Variants in FGF14 observed in about 807,000 individuals in gnomAD.
FGF14 encodes the protein fibroblast growth factor 14.
In FGF14, 5 loss-of-function variants were observed where a neutral mutation model predicts 25.5. The ratio of observed to expected loss-of-function variants is 0.20; its 90% CI spans 0.10 to 0.41. The LOEUF (loss-of-function observed/expected upper bound fraction) is 0.41, where lower values mean the gene tolerates loss of function less well. Among genes scored for constraint, FGF14 ranks in the 10% least tolerant of loss-of-function variants. FGF14 has a pLI of 1.00. For missense variants in FGF14, 222 were observed against 320.1 expected (o/e 0.69, Z 2.34); for synonymous variants, 138 against 118.3 (o/e 1.17, Z -1.08).
At chr13:101,761,352 C>G (rs2038017130) in intron 3 of FGF14, among the ~76,000 whole-genome samples, 1 of 152,080 alleles carries the variant, frequency 6.6e-6, no homozygotes, top group South Asian at 2.1e-4. Context: ...AGTTGGAAAA[C>G]TCAGATGAGA....
At chr13:102,094,641 A>C (rs2044309340) in intron 1 of FGF14, among the ~76,000 whole-genome samples, 2 of 152,178 alleles carry the variant, frequency 1.3e-5, no homozygotes, top group Non-Finnish European at 2.9e-5. Context: ...TGCCCTTTTT[A>C]TACAGCTGCT....
chr13:101,926,954 C>A (rs942512650), intron 1 of FGF14, among the ~76,000 whole-genome samples: 19 of 152,084 alleles, frequency 1.2e-4, no homozygotes, highest in Non-Finnish European at 1.5e-5. Context: ...AAGCTTTATG[C>A]GGACAGAGGA....
chr13:102,013,826 A>C (rs191836100), intron 1 of FGF14, among the ~76,000 whole-genome samples: 2 of 152,310 alleles, frequency 1.3e-5, no homozygotes, highest in East Asian at 3.9e-4. Flanking sequence ...TCTTTATTTT[A>C]AAACCAAGGA....
In FGF14 at chr13:101,721,224, A is replaced by AGTT. The variant is rs2034958913; in HGVS notation, c.*1604_*1606dup. ...AGAGTTAACAAATAAATTCCCAAACAGTTTAGTATGAAACATTTTGAACCC... is the reference window on the plus strand; with the variant it reads ...AGAGTTAACAAATAAATTCCCAAACAGTTGTTTAGTATGAAACATTTTGAACCC... On this transcript the variant is annotated 3_prime_UTR_variant, in exon 5 of 5. Transcript: ENST00000376143. 1 of 152,142 alleles carries AGTT rather than the reference A, an allele frequency of 6.6e-6. No homozygotes were observed. Among genetic ancestry groups the AGTT allele is most frequent in the African/African-American group, 2.4e-5 (1 of 41,436 alleles). The allele number at this position is 152,142 out of a possible 1,614,324, so 9.4% of individuals were successfully genotyped here.
At chr13:102,282,210 G>A (rs931290408) in intron 1 of FGF14, among the ~76,000 whole-genome samples, 3 of 151,992 alleles carry the variant, frequency 2.0e-5, no homozygotes, top group Admixed American at 2.0e-4. Context: ...AGGATTACAG[G>A]CATGCACTAC....
intron 1 of FGF14, among the ~76,000 whole-genome samples, chr13:102,071,487 T>G (rs2043152301): frequency 6.6e-6 from 1 of 152,210 alleles, no homozygotes; most frequent in African/African-American, 2.4e-5. Context: ...TGTTTTACTT[T>G]TCCTCCCTCT....
intron 1 of FGF14, among the ~76,000 whole-genome samples, chr13:101,894,278 A>G (rs1307521128): frequency 6.6e-6 from 1 of 152,200 alleles, no homozygotes; most frequent in Non-Finnish European, 1.5e-5. Flanking sequence ...GGTGAGAGAA[A>G]AGGTAAAGCT....
At chr13:101,910,423 T>C (rs989734205) in intron 1 of FGF14, among the ~76,000 whole-genome samples, 5 of 152,164 alleles carry the variant, frequency 3.3e-5, no homozygotes, top group Non-Finnish European at 5.9e-5. Context: ...GTTAGCTGTA[T>C]GCCAGGCACT....
rs118036064 is a variant in FGF14 at position 102,230,831 on chromosome 13, C to T, written c.208+170640G>A. Among the ~76,000 whole-genome samples, 823 of 152,174 alleles carry T rather than the reference C, an allele frequency of 5.4e-3. 8 individuals carry two copies. Among genetic ancestry groups the T allele is most frequent in the Non-Finnish European group, 8.8e-3 (597 of 67,992 alleles). On this transcript the variant is annotated intron_variant, in intron 1 of 4. Transcript: ENST00000376131. ...AAAAAATGCAATAATATTACTGAAA[C>T]TTTTATTAAATGAATGTATAATTAT...
chr13:101,916,273 G>A (rs546679206), intron 1 of FGF14, among the ~76,000 whole-genome samples, 180 bp downstream of exon 1: 181 of 152,346 alleles, frequency 1.2e-3, no homozygotes, highest in African/African-American at 4.0e-3. Flanking sequence ...CTTCTCGGCG[G>A]CTACAGGTTG....
At chr13:101,807,109 G>C (rs1163940506) in intron 3 of FGF14, among the ~76,000 whole-genome samples, 1 of 152,212 alleles carries the variant, frequency 6.6e-6, no homozygotes, top group Middle Eastern at 3.4e-3. Flanking sequence ...ATGAAGAAAA[G>C]TATTGACTAT....
intron 2 of FGF14, among the ~76,000 whole-genome samples, chr13:101,871,209 G>C (rs1038983437): frequency 6.6e-6 from 1 of 152,086 alleles, no homozygotes; most frequent in Admixed American, 6.6e-5. Flanking sequence ...AAGCCTAGGG[G>C]AGTAAGAATA....
intron 3 of FGF14, among the ~76,000 whole-genome samples, chr13:101,810,574 C>T (rs1161451973): frequency 6.6e-6 from 1 of 152,196 alleles, no homozygotes. Flanking sequence ...CTGGATGACC[C>T]TGTCCTTGCC....
At chr13:102,396,942 C>T (rs1164338136) in intron 1 of FGF14, among the ~76,000 whole-genome samples, 1 of 152,168 alleles carries the variant, frequency 6.6e-6, no homozygotes, top group Non-Finnish European at 1.5e-5. Flanking sequence ...CCAACTAATA[C>T]TACATTGAAT....
chr13:102,337,648 A>G (rs1026648654), intron 1 of FGF14, among the ~76,000 whole-genome samples: 1 of 152,188 alleles, frequency 6.6e-6, no homozygotes, highest in Non-Finnish European at 1.5e-5. Context: ...TGCTACAGAG[A>G]AATTTCTAGT....
chr13:102,242,374 A>C (rs538927582), intron 1 of FGF14, among the ~76,000 whole-genome samples: 34 of 152,206 alleles, frequency 2.2e-4, no homozygotes, highest in African/African-American at 8.2e-4. Context: ...GAGATTGGGT[A>C]ATTTATAATG....
chr13:101,781,112 T>TC (rs1225735826), intron 3 of FGF14, among the ~76,000 whole-genome samples: 2 of 144,474 alleles, frequency 1.4e-5, no homozygotes, highest in African/African-American at 2.5e-5. Context: ...CATAGCATGC[T>TC]CCCCCTGCTC....
intron 1 of FGF14, among the ~76,000 whole-genome samples, chr13:101,984,109 T>C (rs1032864230): frequency 1.3e-5 from 2 of 152,178 alleles, no homozygotes; most frequent in African/African-American, 4.8e-5. Context: ...GCCACTGCTG[T>C]GGGAACTAAA....
intron 3 of FGF14, among the ~76,000 whole-genome samples, chr13:101,749,667 T>C (rs1401839742): frequency 6.6e-6 from 1 of 152,090 alleles, no homozygotes; most frequent in African/African-American, 2.4e-5. Flanking sequence ...ATATAAAGAT[T>C]TGGAGTTTAG....
Sources: allele counts gnomAD v4.1 joint callset (sites outside exome capture counted in the v4.1 genomes callset), GRCh38; gene constraint gnomAD v4.1.1; transcripts MANE v1.5; gene names NCBI Gene and HGNC (gene_info 2026-07-23, HGNC 2026-07-21).